GLB1L3: variants seen among roughly 807,000 people sequenced by gnomAD.
The protein encoded by GLB1L3 is galactosidase beta 1 like 3, also known as beta-galactosidase-1-like protein 3.
A neutral mutation model predicts 89.5 loss-of-function variants in GLB1L3; 89 were observed. That is an observed-to-expected ratio of 0.99 (90% CI 0.84 to 1.19). GLB1L3 has a LOEUF of 1.19. GLB1L3 is among the 50% of genes most tolerant of loss of function. GLB1L3 has a pLI of 0.00. For missense variants in GLB1L3, 812 were observed against 813.3 expected (o/e 1.00, Z 0.02); for synonymous variants, 314 against 312.3 (o/e 1.01, Z -0.06).
chr11:134,304,004 T>C (rs1313927215), intron 9 of GLB1L3, among the ~76,000 whole-genome samples: 1 of 152,174 alleles, frequency 6.6e-6, no homozygotes, highest in East Asian at 1.9e-4. Flanking sequence ...TGTTTCTTTT[T>C]TTGTTTTCTG....
At chr11:134,286,556 C>T (rs1370657321) in intron 6 of GLB1L3, among the ~76,000 whole-genome samples, 1 of 151,736 alleles carries the variant, frequency 6.6e-6, no homozygotes, top group African/African-American at 2.4e-5. Flanking sequence ...GCGGGTGGAT[C>T]ACGAGGTCAG....
At chr11:134,313,292 G>C (rs1565420103) in intron 15 of GLB1L3, 104 bp from the exon 16 acceptor site, 7 of 806,572 alleles carry the variant, frequency 8.7e-6, no homozygotes, top group Middle Eastern at 2.7e-4. Context: ...GGAGCCTCCT[G>C]TTCTCCCATG....
At chr11:134,297,556 G>T (rs879801326) in intron 9 of GLB1L3, among the ~76,000 whole-genome samples, 2 of 151,948 alleles carry the variant, frequency 1.3e-5, no homozygotes, top group Admixed American at 6.6e-5. Flanking sequence ...AACTGTAGCT[G>T]TTGACTTAGA....
chr11:134,281,900 TG>T (rs1940708870), intron 4 of GLB1L3, 124 bp from the exon 5 acceptor site: 6 of 755,082 alleles, frequency 7.9e-6, no homozygotes, highest in South Asian at 3.5e-5. Context: ...CCCCACGCTT[TG>T]GGGGTGGGGC....
intron 9 of GLB1L3, among the ~76,000 whole-genome samples, chr11:134,302,593 G>A (rs1032913061): frequency 3.9e-5 from 6 of 152,114 alleles, no homozygotes; most frequent in Admixed American, 6.5e-5. Flanking sequence ...CAGAGAATGT[G>A]TAGTGAAAAT....
At chr11:134,320,640 A>G (rs1042804141), downstream of GLB1L3, among the ~76,000 whole-genome samples, 6 of 152,160 alleles carry the variant, frequency 3.9e-5, no homozygotes, top group African/African-American at 1.2e-4. Context: ...ATGAATGCAA[A>G]AATGCTATTC....
rs1942701305 is a variant in GLB1L3 at position 134,310,949 on chromosome 11, T to C, written c.1181-115T>C. The stretch of plus-strand genomic sequence containing the variant: ...CTTTGTAAAGCTCTTATACCATGGA[T>C]GACATAGTAACCCCCAATATGAAAG... On this transcript the variant is annotated intron_variant, in intron 12 of 19. Coordinates refer to ENST00000431683, the MANE Select transcript of GLB1L3 (RefSeq NM_001080407.3). 3 of 743,302 alleles carry C rather than the reference T, an allele frequency of 4.0e-6. No individual in the cohort carries two copies. In the African/African-American group the frequency reaches 5.2e-5, roughly 13 times the overall value. The allele number at this position is 743,302 out of a possible 1,614,324, so 46.0% of individuals were successfully genotyped here.
At chr11:134,288,767 A>T in intron 6 of GLB1L3, 31 bp from the exon 7 acceptor site, 1 of 1,559,020 alleles carries the variant, frequency 6.4e-7, no homozygotes, top group South Asian at 1.2e-5. Flanking sequence ...AAATAGCCTC[A>T]CTCTTTAACC....
At chr11:134,279,364 C>CTT (rs10577769) in intron 3 of GLB1L3, among the ~76,000 whole-genome samples, 52 of 108,340 alleles carry the variant, frequency 4.8e-4, no homozygotes, top group Admixed American at 6.7e-4. Context: ...TTTTCTTTTT[C>CTT]TTTTTTTTTT....
intron 6 of GLB1L3, among the ~76,000 whole-genome samples, chr11:134,285,558 G>A (rs1940932914): frequency 6.6e-6 from 1 of 152,096 alleles, no homozygotes; most frequent in Non-Finnish European, 1.5e-5. Flanking sequence ...GGCCAAAGTG[G>A]GAGGACTGCT....
chr11:134,314,005 G>A lies in GLB1L3; in HGVS notation c.1644G>A (p.Glu548=). The change falls in exon 17 of 20, where the codon GAG becomes GAA. Residue 548 remains glutamate (E), a synonymous_variant. Transcript: ENST00000431683. ...AGGGCTTTACCATCTATTCCCTGGA[G>A]ATGAAAATGAGCTTCTTTGAGAGGT... is the stretch of plus-strand genomic sequence containing the variant. ...SLEGFTIYSL[E]MKMSFFERLR... 6.2e-7 allele frequency: 1 copy of A among 1,611,980 alleles called. No homozygotes were observed. The highest frequency in any genetic ancestry group is 8.5e-7 in the Non-Finnish European group (1 of 1,178,420).
At chr11:134,289,093 C>T (rs374775771) in intron 7 of GLB1L3, 1 of 494,962 alleles carries the variant, frequency 2.0e-6, no homozygotes, top group South Asian at 2.9e-5. Flanking sequence ...AATTTAGTCA[C>T]TAATAGTCTA....
At chr11:134,290,686 G>A (rs1054948371) in intron 7 of GLB1L3, among the ~76,000 whole-genome samples, 4 of 151,800 alleles carry the variant, frequency 2.6e-5, no homozygotes, top group Admixed American at 2.0e-4. Context: ...GCCAGGCCCT[G>A]GCTATCTGGC....
At position 134,281,406 on chromosome 11, in the gene GLB1L3, A is replaced by G. The variant is rs547921296; in HGVS notation, c.392A>G (p.Glu131Gly). 203 of 1,614,114 alleles carry G rather than the reference A, an allele frequency of 1.3e-4. No homozygotes were observed. Among genetic ancestry groups the G allele is most frequent in the Non-Finnish European group, 1.7e-4 (199 of 1,179,998 alleles). ...GTTCCGTGGAACCTGCATGAGCCAG[A>G]AAGAGGCAAATTTGACTTCTCTGGG... ...TYVPWNLHEP[E>G]RGKFDFSGNL... is the part of the protein sequence containing the mutation. The change falls in exon 4 of 20, where the codon GAA becomes GGA. Residue 131 changes from glutamate (E) to glycine (G), a missense_variant. By Grantham distance (98) the Glu-to-Gly change is moderately conservative. This residue lies in a region of GLB1L3 where 191 missense variants were observed against 191.4 expected (regional missense o/e 1.00). Coordinates refer to ENST00000431683, the MANE Select transcript of GLB1L3 (RefSeq NM_001080407.3).
At chr11:134,322,789 A>G (rs1297056869), downstream of GLB1L3, among the ~76,000 whole-genome samples, 1 of 152,212 alleles carries the variant, frequency 6.6e-6, no homozygotes, top group Non-Finnish European at 1.5e-5. Flanking sequence ...GTATGGATAC[A>G]TAGCATTTTG....
Position 134,318,620 on chromosome 11 carries a change from A to T in GLB1L3, c.1780-11A>T. On this transcript the variant is annotated splice_polypyrimidine_tract_variant and intron_variant, in intron 18 of 19. Transcript: ENST00000431683. ...ACCAATTTCCAAATCTCAAGCCACC[A>T]TTCCTTTCAGAACTGGAATTATGGA... 1 of 1,549,998 alleles carries T rather than the reference A, an allele frequency of 6.5e-7. No individual in the cohort carries two copies. Among genetic ancestry groups the T allele is most frequent in the Non-Finnish European group, 8.9e-7 (1 of 1,124,842 alleles).
At chr11:134,305,099 C>G (rs1280671578) in intron 9 of GLB1L3, 12 of 1,547,354 alleles carry the variant, frequency 7.8e-6, no homozygotes, top group South Asian at 1.2e-5. Flanking sequence ...TTCCTTTTTG[C>G]TTTCTCTCCT....
chr11:134,290,057 C>T (rs899494185), intron 7 of GLB1L3, among the ~76,000 whole-genome samples: 1 of 152,348 alleles, frequency 6.6e-6, no homozygotes, highest in African/African-American at 2.4e-5. Flanking sequence ...ACTTCATCCA[C>T]GTGCTGGCTC....
chr11:134,298,740 G>A (rs956459249), intron 9 of GLB1L3, among the ~76,000 whole-genome samples: 14 of 152,190 alleles, frequency 9.2e-5, no homozygotes, highest in Non-Finnish European at 1.8e-4. Context: ...CCAGCTATGT[G>A]GAACTGTAAG....
Sources: gnomAD v4.1 joint callset for allele counts (sites outside exome capture counted in the v4.1 genomes callset) on GRCh38, gnomAD v4.1.1 for gene constraint, gnomAD v4.1.1 regional missense constraint, MANE v1.5 for transcripts, NCBI Gene and HGNC (gene_info 2026-07-23, HGNC 2026-07-21) for gene names.